B4GALNT3: variants seen among roughly 807,000 people sequenced by gnomAD.
B4GALNT3 encodes beta-1,4-N-acetyl-galactosaminyltransferase 3.
A neutral mutation model predicts 120.2 loss-of-function variants in B4GALNT3; 86 were observed. The observed-to-expected ratio is 0.72, with a 90% CI of 0.60 to 0.86. The LOEUF (loss-of-function observed/expected upper bound fraction) is 0.86, where lower values mean the gene tolerates loss of function less well. Among genes scored for constraint, B4GALNT3 ranks in the 40% least tolerant of loss-of-function variants. B4GALNT3 has a pLI of 0.00. For missense variants in B4GALNT3, 1,167 were observed against 1,298.9 expected (o/e 0.90, Z 1.56); for synonymous variants, 518 against 510.4 (o/e 1.01, Z -0.20).
At chr12:470,158 G>A (rs543203657) in intron 1 of B4GALNT3, among the ~76,000 whole-genome samples, 1 of 152,332 alleles carries the variant, frequency 6.6e-6, no homozygotes, top group South Asian at 2.1e-4. Context: ...GGGACAGTCG[G>A]AAGGGAATAT....
chr12:512,255 A>C (rs1442516866), intron 1 of B4GALNT3, among the ~76,000 whole-genome samples: 1 of 38,454 alleles, frequency 2.6e-5, no homozygotes, highest in Non-Finnish European at 4.2e-5. Context: ...ACCTTCTTCC[A>C]CCTTCTTCCA....
intron 1 of B4GALNT3, among the ~76,000 whole-genome samples, chr12:494,293 G>GAAA (rs11412767): frequency 1.1e-4 from 15 of 139,688 alleles, no homozygotes; most frequent in Admixed American, 2.1e-4. Flanking sequence ...TACCTTGAAA[G>GAAA]AAAAAAAAAA....
intron 1 of B4GALNT3, among the ~76,000 whole-genome samples, chr12:504,003 T>G: frequency 6.6e-6 from 1 of 151,882 alleles, no homozygotes; most frequent in African/African-American, 2.4e-5. Flanking sequence ...TAGTCCCAGC[T>G]ACTTGGGAAG....
chr12:494,907 A>C (rs955601487), intron 1 of B4GALNT3, among the ~76,000 whole-genome samples: 2 of 152,188 alleles, frequency 1.3e-5, no homozygotes, highest in African/African-American at 4.8e-5. Flanking sequence ...TTCACTCGTT[A>C]GGTTGAAAAT....
At chr12:499,371 G>A (rs138904933) in intron 1 of B4GALNT3, among the ~76,000 whole-genome samples, 245 of 151,700 alleles carry the variant, frequency 1.6e-3, no homozygotes, top group African/African-American at 5.6e-3. Context: ...GTCCTAGCCC[G>A]TGGAGCCCGT....
intron 1 of B4GALNT3, among the ~76,000 whole-genome samples, chr12:498,518 G>A (rs1163200803): frequency 3.3e-5 from 5 of 149,696 alleles, no homozygotes; most frequent in African/African-American, 1.2e-4. Context: ...CCTGTGTGTT[G>A]TCCACACCCA....
At chr12:479,699 G>A (rs1472541010) in intron 1 of B4GALNT3, among the ~76,000 whole-genome samples, 7 of 152,262 alleles carry the variant, frequency 4.6e-5, no homozygotes, top group South Asian at 2.1e-4. Context: ...TAACTGAGAC[G>A]TGCCGCAGCA....
rs11280541 is a variant in B4GALNT3, at chr12:499,667, A to AGAACACTC, written c.170-35499_170-35498insGAACACTC. On this transcript the variant is annotated intron_variant, in intron 1 of 19. Transcript: ENST00000266383. ...CGTGGAGCCCGTGCTCTCACTATCT[A>AGAACACTC]CTAGCCCGTGGAGCCCGTGCTCTCA... Among the ~76,000 whole-genome samples, 142 of 79,716 alleles carry AGAACACTC rather than the reference A, an allele frequency of 1.8e-3. 19 individuals are homozygous for AGAACACTC. The highest frequency in any genetic ancestry group is 6.0e-3 in the Admixed American group (34 of 5,688). 52.3% of individuals were successfully genotyped at this position (79,716 alleles called of 152,430 possible).
At chr12:536,377 T>C (rs917606100) in intron 3 of B4GALNT3, 82 bp downstream of exon 3, 4 of 1,204,548 alleles carry the variant, frequency 3.3e-6, no homozygotes, top group East Asian at 2.4e-5. Context: ...CACAGAAAAC[T>C]TTCTACTAGG....
chr12:511,024 T>C (rs1410852164), intron 1 of B4GALNT3, among the ~76,000 whole-genome samples: 3 of 39,440 alleles, frequency 7.6e-5, no homozygotes, highest in African/African-American at 4.1e-4. Flanking sequence ...TTTTTTTTTT[T>C]TTTTTTTTTT....
intron 14 of B4GALNT3, chr12:555,197 GAA>G (rs894224882): frequency 4.2e-5 from 12 of 286,692 alleles, no homozygotes; most frequent in South Asian, 5.7e-5. Flanking sequence ...GAAAAAGAAA[GAA>G]AAAAAAAAAG....
intron 1 of B4GALNT3, among the ~76,000 whole-genome samples, chr12:515,569 A>G (rs1421196859): frequency 6.6e-6 from 1 of 152,170 alleles, no homozygotes; most frequent in Non-Finnish European, 1.5e-5. Context: ...CATATTGTAA[A>G]TGCTAAATGT....
intron 3 of B4GALNT3, chr12:543,262 C>G: frequency 5.8e-6 from 7 of 1,211,106 alleles, no homozygotes; most frequent in Non-Finnish European, 7.6e-6. Flanking sequence ...GGGCCGGACC[C>G]GCACAGTGAG....
chr12:551,139 T>C, intron 11 of B4GALNT3, 108 bp downstream of exon 11: 1 of 973,474 alleles, frequency 1.0e-6, no homozygotes, highest in Non-Finnish European at 1.6e-6. Context: ...CAACATCCCA[T>C]CCCAGCAGAC....
intron 14 of B4GALNT3, chr12:555,262 G>A (rs1369187582): frequency 1.4e-5 from 6 of 444,430 alleles, no homozygotes; most frequent in Admixed American, 1.2e-4. Context: ...CCCCAGTAGT[G>A]TCTGGCAATA....
At chr12:535,025 C>G in intron 1 of B4GALNT3, 141 bp from the exon 2 acceptor site, 2 of 627,470 alleles carry the variant, frequency 3.2e-6, no homozygotes, top group Non-Finnish European at 5.4e-6. Context: ...CTCCTGCCCC[C>G]AGCCCAGCCC....
At chr12:487,059 A>C (rs567702461) in intron 1 of B4GALNT3, among the ~76,000 whole-genome samples, 1 of 152,246 alleles carries the variant, frequency 6.6e-6, no homozygotes, top group Non-Finnish European at 1.5e-5. Context: ...AATGTCTTCA[A>C]TGGACTCATT....
intron 1 of B4GALNT3, among the ~76,000 whole-genome samples, chr12:505,180 C>A (rs1195681177): frequency 6.6e-6 from 1 of 152,218 alleles, no homozygotes; most frequent in Non-Finnish European, 1.5e-5. Context: ...GCGTGAACCA[C>A]CACGCCTGGC....
intron 14 of B4GALNT3, among the ~76,000 whole-genome samples, chr12:555,117 G>T (rs1185329903): frequency 4.0e-5 from 6 of 151,846 alleles, no homozygotes; most frequent in Admixed American, 3.9e-4. Context: ...GGTGGAGGTT[G>T]TAGTGAGCAG....
Sources: gnomAD v4.1 joint callset for allele counts (sites outside exome capture counted in the v4.1 genomes callset) on GRCh38, gnomAD v4.1.1 for gene constraint, MANE v1.5 for transcripts, NCBI Gene and HGNC (gene_info 2026-07-23, HGNC 2026-07-21) for gene names.